Variants in CTNNBL1 observed in about 807,000 individuals in gnomAD.
CTNNBL1 encodes the protein beta-catenin-like protein 1.
Under a neutral mutation model 72.7 loss-of-function variants are expected in CTNNBL1, and 31 were observed. The observed-to-expected ratio is 0.43, with a 90% CI of 0.32 to 0.58. CTNNBL1 has a LOEUF of 0.58. CTNNBL1 is among the 20% of genes least tolerant of loss of function. CTNNBL1 has a pLI of 0.08. For synonymous variants in CTNNBL1, 240 were observed against 267.3 expected (o/e 0.90, Z 1.00); for missense variants, 534 against 725.1 (o/e 0.74, Z 3.03).
At chr20:37,701,034 TGAG>T (rs2072836991) in intron 1 of CTNNBL1, among the ~76,000 whole-genome samples, 1 of 152,292 alleles carries the variant, frequency 6.6e-6, no homozygotes, top group Admixed American at 6.5e-5. Flanking sequence ...AGAAAATGCT[TGAG>T]AAGAGGAAAA....
rs916120264 is a variant in CTNNBL1, at chr20:37,771,734, A to G, written c.750+3690A>G. Among the ~76,000 whole-genome samples the G allele has an allele frequency of 4.6e-5, 7 of 152,194 alleles. 1 individual carries two copies. The highest frequency in any genetic ancestry group is 6.8e-3 in the Middle Eastern group (2 of 294). ...CCTTCGTGAAACAGCTTAAATCCCT[A>G]ATCTTCTGTGTAGCCTCTATCACTT... On this transcript the variant is annotated intron_variant, in intron 7 of 15. Transcript: ENST00000361383.
chr20:37,831,796 G>T lies in CTNNBL1; in HGVS notation c.1214-8306G>T, dbSNP rs1197853043. Among the ~76,000 whole-genome samples the T allele has an allele frequency of 4.6e-5, 7 of 152,148 alleles. No individual in the cohort carries two copies. In the East Asian group the frequency reaches 1.2e-3, roughly 25 times the overall value. On this transcript the variant is annotated intron_variant, in intron 11 of 15. Transcript: ENST00000361383. ...GTTGGTACTCAGAATTTTGAGAAAA[G>T]GGAGGGCTGGTGACGTACCACTTCA... is the stretch of plus-strand genomic sequence containing the variant.
chr20:37,815,801 G>C (rs1043934072), intron 11 of CTNNBL1, among the ~76,000 whole-genome samples: 4 of 152,116 alleles, frequency 2.6e-5, no homozygotes, highest in Non-Finnish European at 5.9e-5. Context: ...TAGACATGTT[G>C]GCATCTAACA....
intron 11 of CTNNBL1, 140 bp downstream of exon 11, chr20:37,803,188 C>T (rs2073837210): frequency 1.3e-6 from 1 of 763,692 alleles, no homozygotes; most frequent in Non-Finnish European, 2.0e-6. Context: ...TCTTATTTTT[C>T]ATGAATGAAA....
At chr20:37,734,267 T>C (rs1779521033) in intron 2 of CTNNBL1, among the ~76,000 whole-genome samples, 1 of 150,636 alleles carries the variant, frequency 6.6e-6, no homozygotes, top group Non-Finnish European at 1.5e-5. Context: ...AATTTGGGGG[T>C]CTCCCGCTAA....
chr20:37,703,264 A>T (rs1056816674), intron 1 of CTNNBL1, among the ~76,000 whole-genome samples: 3 of 152,320 alleles, frequency 2.0e-5, no homozygotes, highest in South Asian at 2.1e-4. Context: ...TGCACACTTA[A>T]TTCACATGCC....
chr20:37,746,038 A>G (rs1185406543), intron 3 of CTNNBL1, among the ~76,000 whole-genome samples: 2 of 152,152 alleles, frequency 1.3e-5, no homozygotes, highest in Non-Finnish European at 2.9e-5. Flanking sequence ...CTTCTTTGGT[A>G]AGGGGAATAA....
At chr20:37,768,831 T>A (rs2122669799) in intron 7 of CTNNBL1, among the ~76,000 whole-genome samples, 1 of 151,794 alleles carries the variant, frequency 6.6e-6, no homozygotes, top group African/African-American at 2.4e-5. Flanking sequence ...CAGGATGGAG[T>A]ACAGTGGCAT....
chr20:37,741,986 A>AT (rs1005900526), intron 3 of CTNNBL1, among the ~76,000 whole-genome samples: 104 of 146,976 alleles, frequency 7.1e-4, no homozygotes, highest in South Asian at 1.7e-3. Context: ...AACTCTTGGT[A>AT]TTTTTTTTTT....
At chr20:37,833,590 A>G (rs1380237820) in intron 11 of CTNNBL1, among the ~76,000 whole-genome samples, 1 of 152,062 alleles carries the variant, frequency 6.6e-6, no homozygotes, top group Non-Finnish European at 1.5e-5. Flanking sequence ...GTGCGTGTGT[A>G]CATGCATGTG....
chr20:37,853,952 A>G (rs1489460610), intron 13 of CTNNBL1, among the ~76,000 whole-genome samples: 1 of 152,248 alleles, frequency 6.6e-6, no homozygotes, highest in Non-Finnish European at 1.5e-5. Context: ...GTCAGGGCAG[A>G]AACTTCATCT....
chr20:37,760,881 T>C (rs2073410967), intron 5 of CTNNBL1, among the ~76,000 whole-genome samples: 1 of 152,206 alleles, frequency 6.6e-6, no homozygotes, highest in Non-Finnish European at 1.5e-5. Context: ...ACAAACATTT[T>C]TTTCAGTTTA....
intron 13 of CTNNBL1, among the ~76,000 whole-genome samples, chr20:37,848,550 C>A (rs1007693875): frequency 6.6e-6 from 1 of 152,134 alleles, no homozygotes; most frequent in Non-Finnish European, 1.5e-5. Flanking sequence ...GACAGGGGGC[C>A]TGGGGGCAGA....
At chr20:37,803,139 G>A (rs1187508254) in intron 11 of CTNNBL1, 91 bp downstream of exon 11, 2 of 1,124,618 alleles carry the variant, frequency 1.8e-6, no homozygotes, top group African/African-American at 1.6e-5. Context: ...ACGTGTTTGG[G>A]GGATAGAGGG....
At chr20:37,809,195 A>G (rs761204598) in intron 11 of CTNNBL1, among the ~76,000 whole-genome samples, 2 of 152,214 alleles carry the variant, frequency 1.3e-5, no homozygotes, top group Admixed American at 6.5e-5. Flanking sequence ...AAGCAATTTT[A>G]TAGATATTTA....
intron 11 of CTNNBL1, 81 bp from the exon 12 acceptor site, chr20:37,840,021 A>G (rs559241332): frequency 1.5e-5 from 15 of 1,000,722 alleles, no homozygotes; most frequent in Admixed American, 1.5e-4. Flanking sequence ...TCTGCCCTCA[A>G]TAGAACCAGA....
At chr20:37,706,150 G>A (rs1401530354) in intron 1 of CTNNBL1, among the ~76,000 whole-genome samples, 4 of 152,202 alleles carry the variant, frequency 2.6e-5, no homozygotes, top group Non-Finnish European at 5.9e-5. Context: ...CTTTTTGCTG[G>A]TGGATGGAGG....
chr20:37,861,203 G>A (rs1005011566), intron 15 of CTNNBL1, among the ~76,000 whole-genome samples: 3 of 152,206 alleles, frequency 2.0e-5, no homozygotes, highest in Non-Finnish European at 4.4e-5. Flanking sequence ...GGCACACAGC[G>A]GGTGCTCAGT....
chr20:37,843,436 C>T (rs139194610), intron 13 of CTNNBL1, among the ~76,000 whole-genome samples: 5 of 152,308 alleles, frequency 3.3e-5, no homozygotes, highest in East Asian at 3.9e-4. Flanking sequence ...CATTTTCCCT[C>T]GGGGCATGCC....
Sources: allele counts gnomAD v4.1 joint callset (sites outside exome capture counted in the v4.1 genomes callset), GRCh38; gene constraint gnomAD v4.1.1; transcripts MANE v1.5; gene names NCBI Gene and HGNC (gene_info 2026-07-23, HGNC 2026-07-21).